The following XG variants were observed in gnomAD, a reference collection of about 807,000 sequenced individuals.
XG encodes the protein glycoprotein Xg.
A neutral mutation model predicts 25.7 loss-of-function variants in XG; 24 were observed. The observed-to-expected ratio is 0.93, with a 90% CI of 0.68 to 1.31. The LOEUF is 1.31. Among genes scored for constraint, XG ranks in the 40% most tolerant of loss-of-function variants. The pLI, the probability that XG is intolerant of heterozygous loss-of-function variation, is 0.00. For synonymous variants in XG, 77 were observed against 69.2 expected (o/e 1.11, Z -0.56); for missense variants, 181 against 187.6 (o/e 0.96, Z 0.21).
chrX:2,780,271 G>A (rs56376386), intron 3 of XG, among the ~76,000 whole-genome samples: 84 of 151,128 alleles, frequency 5.6e-4, no homozygotes, highest in African/African-American at 1.9e-3. Flanking sequence ...CATTCCATTC[G>A]CTGACAAGAA....
intron 1 of XG, among the ~76,000 whole-genome samples, chrX:2,768,522 C>T (rs772791968): frequency 2.0e-5 from 3 of 152,288 alleles, no homozygotes; most frequent in African/African-American, 4.8e-5. Flanking sequence ...AATCCCAGCA[C>T]TTTGGGAGGC....
chrX:2,806,198 AT>A (rs1296662341), intron 7 of XG, among the ~76,000 whole-genome samples: 134 of 100,783 alleles, frequency 1.3e-3, no homozygotes, highest in East Asian at 6.6e-3. Context: ...ACACCCAGCT[AT>A]TTTTTTTTTT....
intron 1 of XG, among the ~76,000 whole-genome samples, chrX:2,758,767 C>G (rs186922157): frequency 6.6e-6 from 1 of 152,138 alleles, no homozygotes; most frequent in Non-Finnish European, 1.5e-5. Flanking sequence ...ATGATCCAAC[C>G]TCATATGTCA....
chrX:2,759,878 A>G (rs774463074), intron 1 of XG, among the ~76,000 whole-genome samples: 46 of 152,288 alleles, frequency 3.0e-4, no homozygotes, highest in African/African-American at 1.1e-3. Context: ...CCTGTGAGCG[A>G]TGTGTGCAGC....
chrX:2,769,573 C>A (rs1434872392), intron 1 of XG, among the ~76,000 whole-genome samples: 1 of 152,174 alleles, frequency 6.6e-6, no homozygotes, highest in South Asian at 2.1e-4. Context: ...CTGATAAATT[C>A]TCTGGTGGTG....
At chrX:2,806,373 G>A (rs1018737642) in intron 7 of XG, among the ~76,000 whole-genome samples, 1 of 111,005 alleles carries the variant, frequency 9.0e-6, no homozygotes, top group Non-Finnish European at 1.9e-5. Context: ...ATTACTATTT[G>A]TGGCCTGCGT....
chrX:2,770,175 G>A (rs776926980), intron 1 of XG, among the ~76,000 whole-genome samples: 3 of 152,100 alleles, frequency 2.0e-5, no homozygotes, highest in Admixed American at 6.6e-5. Context: ...CAACGTGAAC[G>A]CAACTCAAGA....
intron 1 of XG, among the ~76,000 whole-genome samples, chrX:2,766,120 G>A (rs1399641276): frequency 6.6e-6 from 1 of 152,094 alleles, no homozygotes; most frequent in African/African-American, 2.4e-5. Context: ...AGGCCTGTGT[G>A]TCTAGATTCT....
intron 6 of XG, among the ~76,000 whole-genome samples, chrX:2,795,550 T>C (rs918958512): frequency 1.2e-4 from 13 of 110,085 alleles, no homozygotes; most frequent in African/African-American, 4.3e-4. Flanking sequence ...TTTATGTGTA[T>C]ATACTTTTAT....
chrX:2,788,800 A>G (rs753703937), intron 4 of XG, among the ~76,000 whole-genome samples: 1 of 110,160 alleles, frequency 9.1e-6, no homozygotes, highest in East Asian at 2.9e-4. Flanking sequence ...GGTTGCCGTG[A>G]GCTGAGATCA....
chrX:2,782,139 G>A lies in XG; in HGVS notation c.190+11G>A. The A allele has an allele frequency of 1.7e-6, 2 of 1,210,172 alleles. No individual in the cohort carries two copies. Among genetic ancestry groups the A allele is most frequent in the African/African-American group, 1.7e-5 (1 of 57,819 alleles). ...CCGACAGCGGTGGAAGTAAGAATCCGCAGGCCTGAAACTCTTTCTCAATCT... is the reference window on the plus strand; with the variant it reads ...CCGACAGCGGTGGAAGTAAGAATCCACAGGCCTGAAACTCTTTCTCAATCT... On this transcript the variant is annotated intron_variant, in intron 4 of 10. Coordinates refer to ENST00000644266, the MANE Select transcript of XG (RefSeq NM_001141919.2).
rs142204850 is a variant in XG at position 2,791,342 on chromosome X, T to C, written c.253+1636T>C. On this transcript the variant is annotated intron_variant, in intron 5 of 10. Transcript: ENST00000644266. ...CATTGGGAGTTCCCCTGATTGTGAT[T>C]GTTTCAGGACGTTGCTTGGATGTTG... is the stretch of plus-strand genomic sequence containing the variant. Among the ~76,000 whole-genome samples, 620 of 111,853 alleles carry C rather than the reference T, an allele frequency of 5.5e-3. 3 individuals carry two copies. Among genetic ancestry groups the C allele is most frequent in the Non-Finnish European group, 7.9e-3 (419 of 53,138 alleles).
intron 1 of XG, among the ~76,000 whole-genome samples, chrX:2,760,051 T>G (rs1183263692): frequency 6.6e-6 from 1 of 152,088 alleles, no homozygotes; most frequent in Non-Finnish European, 1.5e-5. Flanking sequence ...CTCGGGAGGC[T>G]GAGGTGAGAG....
rs2086991402 is a variant in XG at position 2,805,808 on chromosome X, A to T, written c.374-893A>T. ...CTAGTGATCTCGTTTTATTTTAATCACCTCTCTAAGGACGTTGTGTTCAAA... is the reference window on the plus strand; with the variant it reads ...CTAGTGATCTCGTTTTATTTTAATCTCCTCTCTAAGGACGTTGTGTTCAAA... On this transcript the variant is annotated intron_variant, in intron 7 of 10. Coordinates refer to ENST00000644266, the MANE Select transcript of XG (RefSeq NM_001141919.2). Among the ~76,000 whole-genome samples, 4 of 110,081 alleles carry T rather than the reference A, an allele frequency of 3.6e-5. No individual in the cohort carries two copies. The Admixed American group carries it at 3.9e-4, about 11-fold the overall frequency.
At chrX:2,767,418 T>C (rs1346936650) in intron 1 of XG, among the ~76,000 whole-genome samples, 2 of 152,076 alleles carry the variant, frequency 1.3e-5, no homozygotes, top group African/African-American at 4.8e-5. Context: ...CAGCACAAAA[T>C]GAGGCTGCTT....
chrX:2,767,879 C>T (rs1317830854), intron 1 of XG, among the ~76,000 whole-genome samples: 3 of 152,146 alleles, frequency 2.0e-5, no homozygotes, highest in South Asian at 2.1e-4. Context: ...GTGAGTCACG[C>T]GTGCAGCAAC....
intron 5 of XG, among the ~76,000 whole-genome samples, chrX:2,792,128 A>C (rs981286441): frequency 2.7e-5 from 3 of 110,830 alleles, no homozygotes; most frequent in Admixed American, 1.9e-4. Flanking sequence ...ATTAAAATAC[A>C]AAAATTAGCC....
intron 8 of XG, among the ~76,000 whole-genome samples, chrX:2,807,468 G>A (rs903898287): frequency 3.6e-5 from 4 of 111,163 alleles, no homozygotes; most frequent in Non-Finnish European, 7.6e-5. Context: ...GTGCATATTT[G>A]TGTGTACATG....
chrX:2,773,177 A>G (rs1229735165), intron 2 of XG, among the ~76,000 whole-genome samples: 6 of 150,956 alleles, frequency 4.0e-5, no homozygotes, highest in African/African-American at 1.5e-4. Context: ...GGGAGGAAAA[A>G]GGATGGAAAC....
Sources: gnomAD v4.1 joint callset for allele counts (sites outside exome capture counted in the v4.1 genomes callset) on GRCh38, gnomAD v4.1.1 for gene constraint, MANE v1.5 for transcripts, NCBI Gene and HGNC (gene_info 2026-07-23, HGNC 2026-07-21) for gene names.